IL1RAPL1: variants seen among roughly 807,000 people sequenced by gnomAD.
The protein encoded by IL1RAPL1 is interleukin-1 receptor accessory protein-like 1.
IL1RAPL1 carries 3 observed loss-of-function variants against 48.4 expected under a neutral mutation model. That is an observed-to-expected ratio of 0.06 (90% CI 0.03 to 0.16). The LOEUF (loss-of-function observed/expected upper bound fraction) is 0.16. IL1RAPL1 is among the 10% of genes least tolerant of loss of function. IL1RAPL1 has a pLI of 1.00. For synonymous variants in IL1RAPL1, 185 were observed against 187.7 expected, an observed-to-expected ratio of 0.99 and a Z score of 0.12; for missense variants, 349 against 530.6, an observed-to-expected ratio of 0.66 and a Z score of 3.36.
At chrX:29,750,838 C>T (rs552486827) in intron 6 of IL1RAPL1, among the ~76,000 whole-genome samples, 1 of 110,681 alleles carries the variant, frequency 9.0e-6, no homozygotes, top group African/African-American at 3.3e-5. Flanking sequence ...AGCCATGGAA[C>T]GAAACATATG....
chrX:29,275,327 C>T (rs1180880120), intron 2 of IL1RAPL1, among the ~76,000 whole-genome samples: 1 of 111,575 alleles, frequency 9.0e-6, no homozygotes, highest in African/African-American at 3.3e-5. Flanking sequence ...TTGAAAACTA[C>T]GGGGCTACAG....
intron 6 of IL1RAPL1, among the ~76,000 whole-genome samples, chrX:29,830,339 T>A (rs1394173284): frequency 8.9e-6 from 1 of 112,005 alleles, no homozygotes; most frequent in Non-Finnish European, 1.9e-5. Context: ...TTTCATATAC[T>A]TTAACACTTT....
intron 2 of IL1RAPL1, among the ~76,000 whole-genome samples, chrX:29,094,805 AC>A (rs1928175181): frequency 1.3e-5 from 1 of 78,197 alleles, no homozygotes; most frequent in African/African-American, 5.1e-5. Flanking sequence ...AAAAAAAGAA[AC>A]ATCTATTTAA....
chrX:28,714,481 A>T (rs193103691), intron 1 of IL1RAPL1, among the ~76,000 whole-genome samples: 2 of 112,148 alleles, frequency 1.8e-5, no homozygotes, highest in South Asian at 7.4e-4. Context: ...GGAAACTTCA[A>T]GCCTTATGTC....
intron 2 of IL1RAPL1, among the ~76,000 whole-genome samples, chrX:28,920,027 G>T (rs1218724366): frequency 8.9e-6 from 1 of 111,951 alleles, no homozygotes; most frequent in Admixed American, 9.5e-5. Context: ...ACAGCTCAAA[G>T]TTCATTTCTC....
chrX:29,247,764 A>G (rs1266804486), intron 2 of IL1RAPL1, among the ~76,000 whole-genome samples: 1 of 112,018 alleles, frequency 8.9e-6, no homozygotes, highest in Non-Finnish European at 1.9e-5. Flanking sequence ...CCTGGTTGAC[A>G]GAGCTAGACT....
At chrX:28,752,629 C>T (rs896199209) in intron 1 of IL1RAPL1, among the ~76,000 whole-genome samples, 1 of 112,434 alleles carries the variant, frequency 8.9e-6, no homozygotes, top group Admixed American at 9.4e-5. Flanking sequence ...GCTTCTCACC[C>T]CCAGGGGAAG....
At chrX:29,162,915 T>C in intron 2 of IL1RAPL1, among the ~76,000 whole-genome samples, 1 of 107,663 alleles carries the variant, frequency 9.3e-6, no homozygotes, top group Non-Finnish European at 1.9e-5. Flanking sequence ...CTACTAAAAA[T>C]ACAAAAAATT....
intron 2 of IL1RAPL1, among the ~76,000 whole-genome samples, chrX:28,899,375 T>C (rs652239): frequency 0.36 from 39,451 of 110,539 alleles, 5,348 homozygotes; most frequent in African/African-American, 0.48. Context: ...CTGGGCTGGT[T>C]TTGAACTCCC....
At chrX:28,725,903 A>G (rs1377518186) in intron 1 of IL1RAPL1, among the ~76,000 whole-genome samples, 4 of 112,476 alleles carry the variant, frequency 3.6e-5, no homozygotes, top group Admixed American at 9.5e-5. Flanking sequence ...TTTTTGTTGT[A>G]TTTAGAAAAG....
intron 2 of IL1RAPL1, among the ~76,000 whole-genome samples, chrX:29,157,381 CCAAA>C (rs1929590173): frequency 9.0e-6 from 1 of 111,362 alleles, no homozygotes; most frequent in Non-Finnish European, 1.9e-5. Context: ...TGTAAAATAT[CCAAA>C]CAAAGTAATT....
At chrX:29,439,841 T>A (rs1204801870) in intron 5 of IL1RAPL1, among the ~76,000 whole-genome samples, 1 of 94,171 alleles carries the variant, frequency 1.1e-5, no homozygotes, top group Admixed American at 1.2e-4. Flanking sequence ...CTGTATTATT[T>A]GTTTGTTTGG....
chrX:28,973,679 A>G (rs913749206), intron 2 of IL1RAPL1, among the ~76,000 whole-genome samples: 31 of 111,933 alleles, frequency 2.8e-4, no homozygotes, highest in African/African-American at 9.7e-4. Context: ...TTTATTACAG[A>G]TATTAAACTT....
intron 5 of IL1RAPL1, among the ~76,000 whole-genome samples, chrX:29,482,926 A>G (rs1227383973): frequency 8.9e-6 from 1 of 111,877 alleles, no homozygotes; most frequent in African/African-American, 3.2e-5. Context: ...TTAAGCAACA[A>G]TATTAGGGTA....
At chrX:29,237,372 A>C (rs1407922229) in intron 2 of IL1RAPL1, among the ~76,000 whole-genome samples, 2 of 112,323 alleles carry the variant, frequency 1.8e-5, no homozygotes, top group Non-Finnish European at 3.7e-5. Flanking sequence ...AAGCATAGTT[A>C]GTGCCCTTAG....
chrX:28,914,416 T>A (rs1217868600), intron 2 of IL1RAPL1, among the ~76,000 whole-genome samples: 1 of 111,752 alleles, frequency 8.9e-6, no homozygotes, highest in Non-Finnish European at 1.9e-5. Context: ...TCAAGTCTCA[T>A]TATTGTAAGT....
intron 1 of IL1RAPL1, among the ~76,000 whole-genome samples, chrX:28,742,018 T>C (rs1293638434): frequency 9.0e-6 from 1 of 111,449 alleles, no homozygotes; most frequent in African/African-American, 3.3e-5. Flanking sequence ...TAGATTGGCG[T>C]AAGTGAACAA....
intron 5 of IL1RAPL1, among the ~76,000 whole-genome samples, chrX:29,603,177 A>C (rs1284499022): frequency 9.2e-6 from 1 of 109,093 alleles, no homozygotes; most frequent in Non-Finnish European, 1.9e-5. Flanking sequence ...GAGGCAGGAG[A>C]ATCACTTGAA....
chrX:29,180,962 G>A (rs1930132924), intron 2 of IL1RAPL1, among the ~76,000 whole-genome samples: 2 of 111,774 alleles, frequency 1.8e-5, no homozygotes, highest in African/African-American at 6.5e-5. Context: ...GGTGAGAGTT[G>A]AATTGATTCT....
Sources: allele counts gnomAD v4.1 joint callset (sites outside exome capture counted in the v4.1 genomes callset), GRCh38; gene constraint gnomAD v4.1.1; transcripts MANE v1.5; gene names NCBI Gene and HGNC (gene_info 2026-07-23, HGNC 2026-07-21).